The following TBCK variants were observed in gnomAD, a reference collection of about 807,000 sequenced individuals.
The protein encoded by TBCK is TBC domain-containing protein kinase-like protein.
Under a neutral mutation model 113.4 loss-of-function variants are expected in TBCK, and 99 were observed. The ratio of observed to expected loss-of-function variants is 0.87; its 90% CI spans 0.74 to 1.03. TBCK has a LOEUF of 1.03. Among genes scored for constraint, TBCK ranks in the 50% least tolerant of loss-of-function variants. TBCK has a pLI of 0.00. For missense variants in TBCK, 1,045 were observed against 1,061.3 expected, an observed-to-expected ratio of 0.98 and a Z score of 0.21; for synonymous variants, 369 against 370.8, an observed-to-expected ratio of 1.00 and a Z score of 0.05.
chr4:106,306,455 A>G (rs1560999811), intron 2 of TBCK, among the ~76,000 whole-genome samples: 1 of 152,058 alleles, frequency 6.6e-6, no homozygotes, highest in Non-Finnish European at 1.5e-5. Context: ...CACATTGTAC[A>G]TCACCTATTA....
chr4:106,296,228 T>C (rs1215779962), intron 2 of TBCK, among the ~76,000 whole-genome samples: 2 of 152,152 alleles, frequency 1.3e-5, no homozygotes, highest in Non-Finnish European at 1.5e-5. Context: ...CTTTACAAGC[T>C]TTTGGGGATT....
At chr4:106,296,924 A>G (rs1186905361) in intron 2 of TBCK, among the ~76,000 whole-genome samples, 1 of 152,202 alleles carries the variant, frequency 6.6e-6, no homozygotes, top group Non-Finnish European at 1.5e-5. Context: ...GGTAAGCTCC[A>G]AGCAATTTAG....
At chr4:106,247,437 A>T in intron 9 of TBCK, 150 bp from the exon 10 acceptor site, 1 of 625,010 alleles carries the variant, frequency 1.6e-6, no homozygotes, top group Non-Finnish European at 2.7e-6. Flanking sequence ...CTAGATGCAT[A>T]CTTTTATATT....
intron 4 of TBCK, 133 bp downstream of exon 4, chr4:106,261,965 A>G (rs1762548205): frequency 4.7e-6 from 2 of 426,230 alleles, no homozygotes; most frequent in Non-Finnish European, 8.2e-6. Flanking sequence ...CATCACTTTC[A>G]TATAGACTTT....
chr4:106,244,415 T>C (rs1222549445), intron 11 of TBCK, among the ~76,000 whole-genome samples: 3 of 152,144 alleles, frequency 2.0e-5, no homozygotes, highest in Non-Finnish European at 4.4e-5. Flanking sequence ...AGACAACTGA[T>C]GGGAACTCTG....
intron 19 of TBCK, among the ~76,000 whole-genome samples, chr4:106,224,910 T>C (rs1008161828): frequency 3.3e-5 from 5 of 152,210 alleles, no homozygotes; most frequent in African/African-American, 1.2e-4. Flanking sequence ...TCTCTTCTTT[T>C]TGCTACCACA....
intron 11 of TBCK, 37 bp from the exon 12 acceptor site, chr4:106,242,606 A>C (rs545843313): frequency 8.8e-5 from 120 of 1,366,682 alleles, no homozygotes; most frequent in Non-Finnish European, 1.1e-4. Context: ...TGTACACAAA[A>C]TCCAGTTTAT....
intron 23 of TBCK, among the ~76,000 whole-genome samples, chr4:106,123,589 A>T (rs1744741420): frequency 6.6e-6 from 1 of 152,192 alleles, no homozygotes. Context: ...AAAAGAACAA[A>T]GCTGGAGGCA....
At chr4:106,305,141 G>GC (rs1553995566) in intron 2 of TBCK, among the ~76,000 whole-genome samples, 4 of 151,668 alleles carry the variant, frequency 2.6e-5, no homozygotes, top group Non-Finnish European at 5.9e-5. Flanking sequence ...AGTAGAGAAA[G>GC]TTTTTTTTCC....
intron 24 of TBCK, among the ~76,000 whole-genome samples, chr4:106,104,544 C>G (rs1741918210): frequency 6.6e-6 from 1 of 151,186 alleles, no homozygotes; most frequent in South Asian, 2.1e-4. Context: ...ACCAGGGTCT[C>G]CAGCCACTTT....
chr4:106,304,710 G>A (rs1289937178), intron 2 of TBCK, among the ~76,000 whole-genome samples: 1 of 152,100 alleles, frequency 6.6e-6, no homozygotes, highest in Admixed American at 6.6e-5. Flanking sequence ...AGGATTTTGA[G>A]TGAAGGCAAT....
chr4:106,169,025 C>A (rs1200587828), intron 23 of TBCK, among the ~76,000 whole-genome samples: 3 of 151,960 alleles, frequency 2.0e-5, no homozygotes, highest in Non-Finnish European at 4.4e-5. Context: ...AATGCTCAAT[C>A]AGTAAGTATA....
chr4:106,282,183 T>G (rs1764664515), intron 3 of TBCK, among the ~76,000 whole-genome samples: 1 of 152,112 alleles, frequency 6.6e-6, no homozygotes, highest in Non-Finnish European at 1.5e-5. Flanking sequence ...ATTTTCCAAT[T>G]TATTGGCATA....
At chr4:106,086,283 A>G (rs1739506370) in intron 25 of TBCK, among the ~76,000 whole-genome samples, 1 of 152,226 alleles carries the variant, frequency 6.6e-6, no homozygotes, top group Admixed American at 6.5e-5. Context: ...ACAAACTACC[A>G]TCAGAGAATA....
At chr4:106,160,800 G>A (rs1749681750) in intron 23 of TBCK, among the ~76,000 whole-genome samples, 1 of 152,014 alleles carries the variant, frequency 6.6e-6, no homozygotes, top group African/African-American at 2.4e-5. Flanking sequence ...GAATCTTGAA[G>A]AGATATTTAT....
intron 25 of TBCK, among the ~76,000 whole-genome samples, chr4:106,083,354 C>A (rs1168883827): frequency 1.5e-5 from 2 of 134,978 alleles, no homozygotes; most frequent in Non-Finnish European, 3.3e-5. Context: ...TAACCCTGAC[C>A]CACCTTCCTC....
chr4:106,146,460 G>A (rs745457133), intron 23 of TBCK, among the ~76,000 whole-genome samples: 40 of 152,144 alleles, frequency 2.6e-4, no homozygotes, highest in Admixed American at 1.2e-3. Flanking sequence ...AGTGGAAAGA[G>A]AGAGAAGAAC....
rs751410822 is a variant in TBCK, at chr4:106,249,053, G to C, written c.659-71C>G. On this transcript the variant is annotated intron_variant, in intron 7 of 25. Transcript: ENST00000394708. ...TGTCCAACAAACCAGAAAATAAACT[G>C]ATCAAAAATGTTTTAATGGAGTAAT... is the stretch of plus-strand genomic sequence containing the variant. 62 of 1,121,074 alleles carry C rather than the reference G, an allele frequency of 5.5e-5. 1 individual carries two copies. The highest frequency in any genetic ancestry group is 7.5e-5 in the Non-Finnish European group (60 of 794,994). The allele number at this position is 1,121,074 out of a possible 1,614,324, so 69.4% of individuals were successfully genotyped here.
At chr4:106,107,295 C>T (rs72964415) in intron 24 of TBCK, among the ~76,000 whole-genome samples, 4,180 of 152,228 alleles carry the variant, frequency 0.027, 187 homozygotes, top group African/African-American at 0.096. Flanking sequence ...ATCTGACACA[C>T]CTTTACAGAC....
Sources: allele counts gnomAD v4.1 joint callset (sites outside exome capture counted in the v4.1 genomes callset), GRCh38; gene constraint gnomAD v4.1.1; transcripts MANE v1.5; gene names NCBI Gene and HGNC (gene_info 2026-07-23, HGNC 2026-07-21).